The following ALCAM variants were observed in gnomAD, a reference collection of about 807,000 sequenced individuals.
ALCAM encodes activated leukocyte cell adhesion molecule, also known as CD166 antigen.
Under a neutral mutation model 70.9 loss-of-function variants are expected in ALCAM, and 30 were observed. The observed-to-expected ratio is 0.42, with a 90% CI of 0.32 to 0.57. The LOEUF is 0.57. Ranked by LOEUF, ALCAM falls within the 20% of genes least tolerant of loss-of-function variation. ALCAM has a pLI of 0.11. For synonymous variants in ALCAM, 249 were observed against 242.5 expected (o/e 1.03, Z -0.25); for missense variants, 591 against 695.1 (o/e 0.85, Z 1.68).
chr3:105,546,658 T>C (rs1376096419), intron 9 of ALCAM, among the ~76,000 whole-genome samples: 1 of 151,448 alleles, frequency 6.6e-6, no homozygotes, highest in African/African-American at 2.4e-5. Flanking sequence ...CTGCAATCAC[T>C]GTTATGAATT....
intron 1 of ALCAM, among the ~76,000 whole-genome samples, chr3:105,395,185 C>A (rs1441597287): frequency 6.6e-6 from 1 of 151,422 alleles, no homozygotes; most frequent in Non-Finnish European, 1.5e-5. Context: ...AATTTTTTGG[C>A]AGTTATTTTG....
At chr3:105,534,969 G>T in intron 6 of ALCAM, 124 bp downstream of exon 6, 1 of 840,996 alleles carries the variant, frequency 1.2e-6, no homozygotes, top group Non-Finnish European at 1.8e-6. Context: ...ACCCCAAATT[G>T]ATGGCACCCA....
At chr3:105,480,351 C>CAATAAATA (rs200096110) in intron 1 of ALCAM, among the ~76,000 whole-genome samples, 344 of 150,226 alleles carry the variant, frequency 2.3e-3, no homozygotes, top group East Asian at 0.02. Context: ...GATGTTGTCT[C>CAATAAATA]AATAAATAAA....
chr3:105,466,090 G>A (rs528966658), intron 1 of ALCAM, among the ~76,000 whole-genome samples: 149 of 151,330 alleles, frequency 9.8e-4, no homozygotes, highest in African/African-American at 3.5e-3. Flanking sequence ...AAAATTTATT[G>A]TACCATTTAT....
intron 1 of ALCAM, among the ~76,000 whole-genome samples, chr3:105,487,140 G>A (rs1447281771): frequency 6.7e-6 from 1 of 149,314 alleles, no homozygotes; most frequent in Non-Finnish European, 1.5e-5. Context: ...TTGAGTTGGA[G>A]TAACTATTTT....
chr3:105,475,782 G>A (rs928961571), intron 1 of ALCAM, among the ~76,000 whole-genome samples: 12 of 151,690 alleles, frequency 7.9e-5, no homozygotes, highest in African/African-American at 2.7e-4. Flanking sequence ...AACTTTACAC[G>A]CTTGTGTACA....
chr3:105,568,063 A>AT (rs71111369), intron 14 of ALCAM, among the ~76,000 whole-genome samples: 12,845 of 116,652 alleles, frequency 0.11, 800 homozygotes, highest in Middle Eastern at 0.17. Context: ...ATTTTATTTT[A>AT]TTTTTTTTTT....
intron 1 of ALCAM, among the ~76,000 whole-genome samples, chr3:105,491,041 A>G (rs1348050461): frequency 1.3e-5 from 2 of 152,172 alleles, no homozygotes; most frequent in Non-Finnish European, 2.9e-5. Flanking sequence ...AGGCATTTCC[A>G]TATATCCTCT....
intron 1 of ALCAM, among the ~76,000 whole-genome samples, chr3:105,393,346 G>A (rs1301554860): frequency 6.6e-6 from 1 of 151,714 alleles, no homozygotes; most frequent in Non-Finnish European, 1.5e-5. Context: ...TAACAGAAGT[G>A]CAAATATTCT....
chr3:105,441,432 C>A (rs998366937), intron 1 of ALCAM, among the ~76,000 whole-genome samples: 2 of 152,134 alleles, frequency 1.3e-5, no homozygotes, highest in Admixed American at 6.6e-5. Flanking sequence ...ACATTGCCAC[C>A]TTATTCATTA....
At chr3:105,504,920 C>T (rs958725521) in intron 1 of ALCAM, among the ~76,000 whole-genome samples, 2 of 152,220 alleles carry the variant, frequency 1.3e-5, no homozygotes, top group African/African-American at 4.8e-5. Flanking sequence ...CTCTTCCCTA[C>T]CCAGCACTTC....
chr3:105,437,782 AT>A (rs1937084224), intron 1 of ALCAM, among the ~76,000 whole-genome samples: 2 of 152,140 alleles, frequency 1.3e-5, no homozygotes, highest in Admixed American at 1.3e-4. Context: ...TCCTTTTAAA[AT>A]TTTAAATGTA....
chr3:105,550,688 C>T (rs958735820), intron 12 of ALCAM, among the ~76,000 whole-genome samples: 1 of 151,252 alleles, frequency 6.6e-6, no homozygotes, highest in Non-Finnish European at 1.5e-5. Context: ...TTTATCCTAC[C>T]CTTATGTTGT....
intron 14 of ALCAM, among the ~76,000 whole-genome samples, chr3:105,557,561 T>C (rs75877230): frequency 3.4e-3 from 519 of 152,278 alleles, no homozygotes; most frequent in African/African-American, 0.011. Flanking sequence ...TTTAAATATA[T>C]TTTCCAAAGG....
intron 1 of ALCAM, among the ~76,000 whole-genome samples, chr3:105,480,677 C>G (rs373474600): frequency 6.6e-6 from 1 of 152,152 alleles, no homozygotes; most frequent in East Asian, 1.9e-4. Context: ...GAACTTATGT[C>G]TTCCCCATCC....
intron 1 of ALCAM, among the ~76,000 whole-genome samples, chr3:105,456,595 A>C (rs1439902227): frequency 6.6e-6 from 1 of 152,196 alleles, no homozygotes; most frequent in African/African-American, 2.4e-5. Context: ...ATCGTTTAAC[A>C]TGTGGATGTA....
intron 3 of ALCAM, among the ~76,000 whole-genome samples, chr3:105,525,812 C>T (rs1453631261): frequency 1.3e-5 from 2 of 152,206 alleles, no homozygotes; most frequent in Non-Finnish European, 2.9e-5. Flanking sequence ...TACCTTTCAG[C>T]TTAGAAGGCA....
chr3:105,493,524 A>C (rs1222627249), intron 1 of ALCAM, among the ~76,000 whole-genome samples: 2 of 152,176 alleles, frequency 1.3e-5, no homozygotes, highest in South Asian at 4.1e-4. Flanking sequence ...ACCTAATTAC[A>C]TGAGGCCTTA....
intron 8 of ALCAM, chr3:105,544,869 T>C (rs1435952513): frequency 7.9e-6 from 2 of 251,576 alleles, no homozygotes; most frequent in African/African-American, 4.6e-5. Context: ...CTTTATATAA[T>C]ATTTACCTAG....
Sources: gnomAD v4.1 joint callset for allele counts (sites outside exome capture counted in the v4.1 genomes callset) on GRCh38, gnomAD v4.1.1 for gene constraint, MANE v1.5 for transcripts, NCBI Gene and HGNC (gene_info 2026-07-23, HGNC 2026-07-21) for gene names.